CDS2: variants seen among roughly 807,000 people sequenced by gnomAD.
The protein encoded by CDS2 is CDP-diacylglycerol synthase 2.
In CDS2, 47 loss-of-function variants were observed where a neutral mutation model predicts 59.0. The observed-to-expected ratio is 0.80, with a 90% CI of 0.63 to 1.02. The LOEUF (loss-of-function observed/expected upper bound fraction) is 1.02, where lower values mean the gene tolerates loss of function less well. Among genes scored for constraint, CDS2 ranks in the 50% least tolerant of loss-of-function variants. The probability of loss-of-function intolerance (pLI) is 0.00; values close to 1 mark genes in which losing one functional copy is unlikely to be tolerated. For missense variants in CDS2, 356 were observed against 558.9 expected, an observed-to-expected ratio of 0.64 and a Z score of 3.66; for synonymous variants, 207 against 206.4, an observed-to-expected ratio of 1.00 and a Z score of -0.02.
At chr20:5,133,778 G>T (rs2090626793) in intron 1 of CDS2, among the ~76,000 whole-genome samples, 1 of 152,186 alleles carries the variant, frequency 6.6e-6, no homozygotes, top group African/African-American at 2.4e-5. Flanking sequence ...TCCCGCCTTG[G>T]CCTACCAAAG....
chr20:5,184,608 G>C lies in CDS2; in HGVS notation c.672-250G>C, dbSNP rs949832415. 5.3e-5 allele frequency among the ~76,000 whole-genome samples: 8 copies of C among 152,122 alleles called. No homozygotes were observed. Among genetic ancestry groups the C allele is most frequent in the Admixed American group, 2.0e-4 (3 of 15,274 alleles). ...GTATATTTCTTTATCATGAAAAAAG[G>C]ACAGATGACCTTTTAGTTTGCAACC... On this transcript the variant is annotated intron_variant, in intron 7 of 12. Coordinates refer to ENST00000460006, the MANE Select transcript of CDS2 (RefSeq NM_003818.4). The surrounding 1 kb of genome is among the most constrained non-coding windows in gnomAD (Gnocchi z 4.3).
intron 1 of CDS2, among the ~76,000 whole-genome samples, chr20:5,151,844 A>C (rs556372266): frequency 1.6e-4 from 22 of 140,412 alleles, no homozygotes; most frequent in Non-Finnish European, 2.6e-4. Flanking sequence ...GGCTCGCCAC[A>C]ACCTCTGCCT....
rs2090985814 is a variant in CDS2 at position 5,175,198 on chromosome 20, G to T, written c.210G>T (p.Trp70Cys). The stretch of plus-strand genomic sequence containing the variant: ...TCTGACCTAGATGGAAGAACTGGTG[G>T]GTGAGAGGCATCCTGACTTTGGCCA... The part of the protein sequence containing the change: ...SNLSSRWKNW[W>C]VRGILTLAMI... The change falls in exon 3 of 13, where the codon TGG becomes TGT. Residue 70 changes from tryptophan (W) to cysteine (C), a missense_variant. This residue lies in a region of CDS2 where 107 missense variants were observed against 129.7 expected (regional missense o/e 0.82). Coordinates refer to ENST00000460006, the MANE Select transcript of CDS2 (RefSeq NM_003818.4). The T allele has an allele frequency of 6.2e-7, 1 of 1,613,696 alleles. No individual in the cohort carries two copies. Among genetic ancestry groups the T allele is most frequent in the Non-Finnish European group, 8.5e-7 (1 of 1,179,764 alleles).
chr20:5,127,215 C>A, intron 1 of CDS2, 66 bp downstream of exon 1: 1 of 1,341,704 alleles, frequency 7.5e-7, no homozygotes, highest in Non-Finnish European at 9.9e-7. Context: ...GCGGGGGACG[C>A]GCGCAGAGGG....
chr20:5,180,231 G>A (rs561402584), intron 5 of CDS2, among the ~76,000 whole-genome samples: 1 of 152,100 alleles, frequency 6.6e-6, no homozygotes, highest in South Asian at 2.1e-4. Flanking sequence ...ATAAAAAGGT[G>A]GTCTTGACCC....
chr20:5,181,295 C>A (rs1009263230), intron 5 of CDS2, among the ~76,000 whole-genome samples: 2 of 152,178 alleles, frequency 1.3e-5, no homozygotes, highest in African/African-American at 2.4e-5. Flanking sequence ...CAGAAAAAAA[C>A]CAAAGTCAGC....
chr20:5,147,899 A>G (rs1482530951), intron 1 of CDS2, among the ~76,000 whole-genome samples: 1 of 151,356 alleles, frequency 6.6e-6, no homozygotes, highest in Non-Finnish European at 1.5e-5. Context: ...TGTGTCCCTC[A>G]TTGTCTGATT....
chr20:5,192,086 C>T lies in CDS2; in HGVS notation c.*1852C>T, dbSNP rs984645695. 1 of 152,152 alleles carries T rather than the reference C, an allele frequency of 6.6e-6. No individual in the cohort carries two copies. Among genetic ancestry groups the T allele is most frequent in the African/African-American group, 2.4e-5 (1 of 41,424 alleles). 9.4% of individuals were successfully genotyped at this position (152,152 alleles called of 1,614,324 possible). On this transcript the variant is annotated 3_prime_UTR_variant, in exon 13 of 13. Coordinates refer to ENST00000460006, the MANE Select transcript of CDS2 (RefSeq NM_003818.4). ...TAGGTATCTCAGCAGCACACCCGAA[C>T]AGTAAAGGTGATCAATAACGAAACT...
intron 1 of CDS2, among the ~76,000 whole-genome samples, chr20:5,140,354 C>G (rs943351875): frequency 1.3e-5 from 2 of 152,176 alleles, no homozygotes; most frequent in Non-Finnish European, 2.9e-5. Context: ...AATATATTCC[C>G]TTCTGCAGTA....
At chr20:5,179,342 G>T (rs1036942582) in intron 5 of CDS2, among the ~76,000 whole-genome samples, 14 of 152,158 alleles carry the variant, frequency 9.2e-5, no homozygotes, top group African/African-American at 3.1e-4. Flanking sequence ...GGCTGGTTCC[G>T]AACTCCCGAG....
chr20:5,188,662 G>T (rs1023446443), intron 10 of CDS2, among the ~76,000 whole-genome samples: 6 of 152,174 alleles, frequency 3.9e-5, no homozygotes, highest in Non-Finnish European at 8.8e-5. Flanking sequence ...AAAGAAAAGA[G>T]GTTTACTTAG....
chr20:5,168,619 CT>C (rs753024825), intron 1 of CDS2: 1 of 518,476 alleles, frequency 1.9e-6, no homozygotes, highest in Non-Finnish European at 3.9e-6. Context: ...GGGTGGGCCC[CT>C]GGCACCAAGT....
chr20:5,180,652 C>T (rs1318559503), intron 5 of CDS2, among the ~76,000 whole-genome samples: 1 of 152,096 alleles, frequency 6.6e-6, no homozygotes, highest in Non-Finnish European at 1.5e-5. Context: ...GTGTGACCTC[C>T]TATCTCATCC....
chr20:5,159,017 G>T (rs2090855468), intron 1 of CDS2, among the ~76,000 whole-genome samples: 3 of 152,112 alleles, frequency 2.0e-5, no homozygotes, highest in Non-Finnish European at 4.4e-5. Context: ...TCTTTGCGAT[G>T]GAACAGAAGG....
intron 1 of CDS2, 92 bp from the exon 2 acceptor site, chr20:5,173,431 T>C (rs1309966614): frequency 6.9e-7 from 1 of 1,458,426 alleles, no homozygotes; most frequent in Non-Finnish European, 9.5e-7. Context: ...GTTTGGAGTC[T>C]TTCCCCACAG....
At chr20:5,176,575 C>A in intron 3 of CDS2, 73 bp from the exon 4 acceptor site, 1 of 1,160,050 alleles carries the variant, frequency 8.6e-7, no homozygotes. Context: ...TTCTGGAAGG[C>A]TCATGACCTG....
intron 1 of CDS2, among the ~76,000 whole-genome samples, chr20:5,156,803 T>C (rs1653976698): frequency 6.6e-6 from 1 of 152,140 alleles, no homozygotes; most frequent in South Asian, 2.1e-4. Context: ...TTTTAAATGG[T>C]AGTAGCTAGA....
At chr20:5,168,087 T>G (rs530999744) in intron 1 of CDS2, among the ~76,000 whole-genome samples, 111 of 152,226 alleles carry the variant, frequency 7.3e-4, no homozygotes, top group African/African-American at 2.5e-3. Flanking sequence ...TTTTCTTTAG[T>G]GTAGTCCAGA....
In CDS2 at chr20:5,175,247, AT is replaced by A. The variant is rs1568540849; in HGVS notation, c.262del (p.Tyr88ThrfsTer7). ...LAMIAFFFII[I>X]YLGPMVLMII... Reference sequence around the variant, plus strand: ...CATGATTGCATTTTTCTTCATCATCATTTACCTGGGACCAATGGTTTTGATG... The same window carrying A: ...CATGATTGCATTTTTCTTCATCATCATTACCTGGGACCAATGGTTTTGATG... On this transcript the variant is annotated frameshift_variant, in exon 3 of 13. Transcript: ENST00000460006. LOFTEE classifies it high-confidence loss of function. The A allele has an allele frequency of 1.9e-6, 3 of 1,614,054 alleles. No homozygotes were observed. Among genetic ancestry groups the A allele is most frequent in the Non-Finnish European group, 2.5e-6 (3 of 1,179,934 alleles).
Sources: allele counts gnomAD v4.1 joint callset (sites outside exome capture counted in the v4.1 genomes callset), GRCh38; gene constraint gnomAD v4.1.1; regional missense constraint gnomAD v4.1.1; non-coding constraint Gnocchi (gnomAD v3.1); transcripts MANE v1.5; gene names NCBI Gene and HGNC (gene_info 2026-07-23, HGNC 2026-07-21).